Variants in ATXN10 observed in about 807,000 individuals in gnomAD.
ATXN10 encodes the protein ataxin-10.
A neutral mutation model predicts 52.9 loss-of-function variants in ATXN10; 28 were observed. That is an observed-to-expected ratio of 0.53 (90% confidence interval 0.39 to 0.73). The LOEUF (loss-of-function observed/expected upper bound fraction) is 0.73. ATXN10 is among the 30% of genes least tolerant of loss of function. The pLI, the probability that ATXN10 is intolerant of heterozygous loss-of-function variation, is 0.00. For synonymous variants in ATXN10, 226 were observed against 221.5 expected (o/e 1.02, Z -0.18); for missense variants, 565 against 577.0 (o/e 0.98, Z 0.21).
Position 45,740,594 on chromosome 22 carries a change from C to T in ATXN10, c.1173+56C>T, listed in dbSNP as rs545848463. ...TGTATGGCTTCATTTAGAATATAGT[C>T]CTTGGAAGACATTCACTCTTTTGGA... On this transcript the variant is annotated intron_variant, in intron 9 of 11. Transcript: ENST00000252934. The T allele has an allele frequency of 4.8e-4, 734 of 1,544,500 alleles. 1 individual carries two copies. Among genetic ancestry groups the T allele is most frequent in the Non-Finnish European group, 5.2e-4 (587 of 1,118,714 alleles).
Position 45,842,867 on chromosome 22 carries a change from A to T in ATXN10, c.1238-124A>T. ...CATATTCAGAGAATGCATCCTCAAGAAAACTTGTGGATTGATACTGGATGT... is the reference window on the plus strand; with the variant it reads ...CATATTCAGAGAATGCATCCTCAAGTAAACTTGTGGATTGATACTGGATGT... On this transcript the variant is annotated intron_variant, in intron 10 of 11. Transcript: ENST00000252934. This position sits in a 1 kb window ranked among gnomAD's most constrained non-coding sequence, Gnocchi z 4.8. 1 of 1,103,276 alleles carries T rather than the reference A, an allele frequency of 9.1e-7. No individual in the cohort carries two copies. The highest frequency in any genetic ancestry group is 1.4e-6 in the Non-Finnish European group (1 of 731,922). 68.3% of individuals were successfully genotyped at this position (1,103,276 alleles called of 1,614,324 possible). A position where few individuals can be genotyped will look rare whatever the true frequency, so the allele number is the denominator to read the frequency against.
Position 45,783,457 on chromosome 22 carries a change from T to C in ATXN10, c.1174-23502T>C, listed in dbSNP as rs1210183246. On this transcript the variant is annotated intron_variant, in intron 9 of 11. Coordinates refer to ENST00000252934, the MANE Select transcript of ATXN10 (RefSeq NM_013236.4). This position sits in a 1 kb window ranked among gnomAD's most constrained non-coding sequence, Gnocchi z 5.0. ...CTGAAGCACCAGTCTCTGTAAATTC[T>C]TTCTGTTGCTTTCAGGACAAAGTTA... Among the ~76,000 whole-genome samples, 1 of 152,236 alleles carries C rather than the reference T, an allele frequency of 6.6e-6. No individual in the cohort carries two copies.
rs1164868423 is a variant in ATXN10 at position 45,816,322 on chromosome 22, G to A, written c.1237+9300G>A. Among the ~76,000 whole-genome samples the A allele has an allele frequency of 6.6e-6, 1 of 152,186 alleles. No homozygotes were observed. The highest frequency in any genetic ancestry group is 1.5e-5 in the Non-Finnish European group (1 of 68,034). ...TCTTAGATCATAATCAGGAGAAAGT[G>A]CTGAGCACTGAGATAGTAGCTCCTT... On this transcript the variant is annotated intron_variant, in intron 10 of 11. Transcript: ENST00000252934. The surrounding 1 kb of genome is among the most constrained non-coding windows in gnomAD (Gnocchi z 5.8).
At chr22:45,812,328 A>G (rs1282605759) in intron 10 of ATXN10, among the ~76,000 whole-genome samples, 2 of 152,240 alleles carry the variant, frequency 1.3e-5, no homozygotes, top group Non-Finnish European at 2.9e-5. Flanking sequence ...CAATATAAAT[A>G]TACCATTGTC....
Position 45,759,911 on chromosome 22 carries a change from G to T in ATXN10, c.1173+19373G>T, listed in dbSNP as rs530554573. ...CCTGTGTAATTATCACCCCAGTCAA[G>T]GTACAGAGAGCACCTCTATCCCCTC... On this transcript the variant is annotated intron_variant, in intron 9 of 11. Transcript: ENST00000252934. The surrounding 1 kb of genome is among the most constrained non-coding windows in gnomAD (Gnocchi z 5.4). Among the ~76,000 whole-genome samples, 1 of 152,310 alleles carries T rather than the reference G, an allele frequency of 6.6e-6. No individual in the cohort carries two copies. Among genetic ancestry groups the T allele is most frequent in the Non-Finnish European group, 1.5e-5 (1 of 68,020 alleles).
At chr22:45,739,127 G>A (rs1925413964) in intron 8 of ATXN10, among the ~76,000 whole-genome samples, 1 of 152,176 alleles carries the variant, frequency 6.6e-6, no homozygotes, top group African/African-American at 2.4e-5. Flanking sequence ...AATATAGGAT[G>A]TGATGAAGAA....
chr22:45,698,076 C>G (rs919266241), intron 3 of ATXN10, among the ~76,000 whole-genome samples: 1 of 152,144 alleles, frequency 6.6e-6, no homozygotes, highest in Non-Finnish European at 1.5e-5. Flanking sequence ...GTTGTTTCCA[C>G]CTTTTGTCTA....
intron 5 of ATXN10, among the ~76,000 whole-genome samples, chr22:45,706,983 T>C (rs1388674644): frequency 1.3e-5 from 2 of 152,230 alleles, no homozygotes; most frequent in East Asian, 3.8e-4. Flanking sequence ...TGTGCATTTT[T>C]TCCTTCAGTT....
In ATXN10 at chr22:45,708,616, CTT is replaced by C. The variant is rs909973095; in HGVS notation, c.647+5772_647+5773del. On this transcript the variant is annotated intron_variant, in intron 5 of 11. Coordinates refer to ENST00000252934, the MANE Select transcript of ATXN10 (RefSeq NM_013236.4). The surrounding 1 kb of genome is among the most constrained non-coding windows in gnomAD (Gnocchi z 5.3). ...GCATTTCAAAGGTGAGGCATGAACTCTTTTCAGTTTTAGCCTCTTTTGGTGTA... is the reference window on the plus strand; with the variant it reads ...GCATTTCAAAGGTGAGGCATGAACTCTTCAGTTTTAGCCTCTTTTGGTGTA... Among the ~76,000 whole-genome samples, 18 of 152,122 alleles carry C rather than the reference CTT, an allele frequency of 1.2e-4. No individual in the cohort carries two copies. Among genetic ancestry groups the C allele is most frequent in the Admixed American group, 6.6e-4 (10 of 15,266 alleles).
rs1925166135 is a variant in ATXN10 at position 45,733,501 on chromosome 22, G to A, written c.894+3911G>A. On this transcript the variant is annotated intron_variant, in intron 7 of 11. Coordinates refer to ENST00000252934, the MANE Select transcript of ATXN10 (RefSeq NM_013236.4). This position sits in a 1 kb window ranked among gnomAD's most constrained non-coding sequence, Gnocchi z 4.4. The stretch of plus-strand genomic sequence containing the variant: ...TGTAATCCCAGCACTTTAGGAGGTC[G>A]AGGTGGGCAGATTGCCTGAGGTCAG... 6.6e-6 allele frequency among the ~76,000 whole-genome samples: 1 copy of A among 152,118 alleles called. No individual in the cohort carries two copies. Among genetic ancestry groups the A allele is most frequent in the African/African-American group, 2.4e-5 (1 of 41,440 alleles).
At chr22:45,697,414 C>T (rs932835611) in intron 3 of ATXN10, among the ~76,000 whole-genome samples, 13 of 152,072 alleles carry the variant, frequency 8.5e-5, no homozygotes, top group African/African-American at 1.2e-4. Context: ...GAATTACAGG[C>T]GTGAGCCGCT....
Position 45,750,668 on chromosome 22 carries a change from A to G in ATXN10, c.1173+10130A>G, listed in dbSNP as rs1569048952. The stretch of plus-strand genomic sequence containing the variant: ...AAAATAATTGAGGAATTGTCATATC[A>G]ATATTAAAATATACTTTAAGGCTAA... On this transcript the variant is annotated intron_variant, in intron 9 of 11. Transcript: ENST00000252934. The surrounding 1 kb of genome is among the most constrained non-coding windows in gnomAD (Gnocchi z 4.2). Among the ~76,000 whole-genome samples, 1 of 152,252 alleles carries G rather than the reference A, an allele frequency of 6.6e-6. No homozygotes were observed. The highest frequency in any genetic ancestry group is 1.5e-5 in the Non-Finnish European group (1 of 68,044).
Position 45,718,611 on chromosome 22 carries a change from C to G in ATXN10, c.728+118C>G. 2 of 943,952 alleles carry G rather than the reference C, an allele frequency of 2.1e-6. No homozygotes were observed. Among genetic ancestry groups the G allele is most frequent in the South Asian group, 2.6e-5 (2 of 75,804 alleles). The allele number at this position is 943,952 out of a possible 1,614,324, so 58.5% of individuals were successfully genotyped here. On this transcript the variant is annotated intron_variant, in intron 6 of 11. Transcript: ENST00000252934. The surrounding 1 kb of genome is among the most constrained non-coding windows in gnomAD (Gnocchi z 4.4). Reference sequence around the variant, plus strand: ...GCACAGAATCTCTAAATACATGTTTCTGTGTTGGTAATGGTTTTAAATTGG... The same window carrying G: ...GCACAGAATCTCTAAATACATGTTTGTGTGTTGGTAATGGTTTTAAATTGG...
At position 45,712,527 on chromosome 22, in the gene ATXN10, A is replaced by T. The variant is rs548873858; in HGVS notation, c.648-5886A>T. ...CACTGCCAGTGAGTGTTGGGCTGAG[A>T]CTCAAACCCAGCTCTTTCTGAGACC... is the stretch of plus-strand genomic sequence containing the variant. On this transcript the variant is annotated intron_variant, in intron 5 of 11. Transcript: ENST00000252934. The surrounding 1 kb of genome is among the most constrained non-coding windows in gnomAD (Gnocchi z 4.6). 6.6e-6 allele frequency among the ~76,000 whole-genome samples: 1 copy of T among 152,132 alleles called. No homozygotes were observed. The highest frequency in any genetic ancestry group is 2.1e-4 in the South Asian group (1 of 4,806).
intron 9 of ATXN10, among the ~76,000 whole-genome samples, chr22:45,776,465 G>A (rs1273738505): frequency 2.0e-5 from 3 of 149,914 alleles, no homozygotes; most frequent in African/African-American, 7.4e-5. Context: ...CACACCCACA[G>A]CCATATGAAG....
chr22:45,776,463 C>G (rs1345215630), intron 9 of ATXN10, among the ~76,000 whole-genome samples: 3 of 151,776 alleles, frequency 2.0e-5, no homozygotes, highest in Admixed American at 1.3e-4. Context: ...CACACACCCA[C>G]AGCCATATGA....
At chr22:45,794,517 T>C (rs941022648) in intron 9 of ATXN10, among the ~76,000 whole-genome samples, 2 of 152,186 alleles carry the variant, frequency 1.3e-5, no homozygotes, top group African/African-American at 4.8e-5. Flanking sequence ...CTATTAATGT[T>C]TACAAATAAC....
intron 6 of ATXN10, among the ~76,000 whole-genome samples, chr22:45,722,085 A>T (rs1056889039): frequency 6.6e-6 from 1 of 152,208 alleles, no homozygotes; most frequent in Non-Finnish European, 1.5e-5. Flanking sequence ...TGTCTGGTGA[A>T]CTCAGAGCAG....
rs980514001 is a variant in ATXN10 at position 45,728,514 on chromosome 22, A to G, written c.729-911A>G. On this transcript the variant is annotated intron_variant, in intron 6 of 11. Transcript: ENST00000252934. The surrounding 1 kb of genome is among the most constrained non-coding windows in gnomAD (Gnocchi z 4.3). ...TATTTCTTACTTGAAGCAGTAAATA[A>G]TTTAAATTTTTTTCTTGGTAAGAAA... Among the ~76,000 whole-genome samples, 3 of 152,204 alleles carry G rather than the reference A, an allele frequency of 2.0e-5. No individual in the cohort carries two copies. The highest frequency in any genetic ancestry group is 6.5e-5 in the Admixed American group (1 of 15,272).
Sources: gnomAD v4.1 joint callset for allele counts (sites outside exome capture counted in the v4.1 genomes callset) on GRCh38, gnomAD v4.1.1 for gene constraint, Gnocchi (gnomAD v3.1) non-coding constraint, MANE v1.5 for transcripts, NCBI Gene and HGNC (gene_info 2026-07-23, HGNC 2026-07-21) for gene names.